Variants in DGKB observed in about 807,000 individuals in gnomAD.
The protein encoded by DGKB is 90 kDa diacylglycerol kinase.
In DGKB, 67 loss-of-function variants were observed where a neutral mutation model predicts 114.3. That is an observed-to-expected ratio of 0.59 (90% CI 0.48 to 0.72). The LOEUF (loss-of-function observed/expected upper bound fraction) is 0.72. DGKB is among the 30% of genes least tolerant of loss of function. The pLI is 0.00. For missense variants in DGKB, 907 were observed against 975.2 expected (o/e 0.93, Z 0.93); for synonymous variants, 398 against 323.1 (o/e 1.23, Z -2.49).
chr7:14,859,125 G>A (rs1182452112), intron 1 of DGKB, among the ~76,000 whole-genome samples: 1 of 152,062 alleles, frequency 6.6e-6, no homozygotes, highest in Non-Finnish European at 1.5e-5. Context: ...CAGGAGAGAA[G>A]GCAAATTCCA....
intron 1 of DGKB, among the ~76,000 whole-genome samples, chr7:14,873,669 G>C (rs1473411545): frequency 1.3e-5 from 2 of 151,744 alleles, no homozygotes; most frequent in African/African-American, 4.8e-5. Context: ...ACATACATAT[G>C]TATGCACATT....
intron 2 of DGKB, among the ~76,000 whole-genome samples, chr7:14,840,737 CA>C (rs750853931): frequency 1.3e-3 from 179 of 136,310 alleles, no homozygotes; most frequent in Admixed American, 3.8e-3. Context: ...CACACACACA[CA>C]CACACACCTC....
chr7:14,336,265 T>C (rs944049443), intron 23 of DGKB, among the ~76,000 whole-genome samples: 1 of 152,128 alleles, frequency 6.6e-6, no homozygotes, highest in East Asian at 1.9e-4. Flanking sequence ...AAAACAATAG[T>C]GAAATCATCA....
chr7:14,726,234 G>A (rs1047707103), intron 5 of DGKB, among the ~76,000 whole-genome samples: 24 of 152,056 alleles, frequency 1.6e-4, no homozygotes, highest in Non-Finnish European at 4.4e-5. Flanking sequence ...CTGCCTCCCA[G>A]GTTCAAGCGA....
At chr7:14,518,238 A>C (rs570167009) in intron 20 of DGKB, among the ~76,000 whole-genome samples, 9 of 152,278 alleles carry the variant, frequency 5.9e-5, no homozygotes, top group African/African-American at 1.7e-4. Context: ...GCTTGTTTTC[A>C]CTTATAAGTG....
chr7:14,491,654 A>G (rs561854564), intron 20 of DGKB, among the ~76,000 whole-genome samples: 5 of 152,240 alleles, frequency 3.3e-5, no homozygotes, highest in Admixed American at 2.6e-4. Flanking sequence ...GCTTGTGTCC[A>G]TAATTCTATT....
intron 20 of DGKB, among the ~76,000 whole-genome samples, chr7:14,501,087 A>G (rs1786095714): frequency 6.6e-6 from 1 of 151,910 alleles, no homozygotes; most frequent in Non-Finnish European, 1.5e-5. Context: ...CAGAAAAAAT[A>G]TTCTCAAGAT....
At chr7:14,969,945 T>A (rs987699943) in intron 1 of DGKB, among the ~76,000 whole-genome samples, 4 of 152,162 alleles carry the variant, frequency 2.6e-5, no homozygotes, top group Admixed American at 2.6e-4. Context: ...TCTAAGACAT[T>A]GCTAGACTAT....
At chr7:14,442,711 A>G (rs1204777805) in intron 21 of DGKB, among the ~76,000 whole-genome samples, 2 of 152,086 alleles carry the variant, frequency 1.3e-5, no homozygotes, top group Non-Finnish European at 2.9e-5. Context: ...CTAATGTCCA[A>G]TATGATTCTT....
At chr7:14,871,557 G>T (rs190711789) in intron 1 of DGKB, among the ~76,000 whole-genome samples, 1 of 152,254 alleles carries the variant, frequency 6.6e-6, no homozygotes, top group Admixed American at 6.5e-5. Context: ...CTGGTATGGG[G>T]ATGCTAATAC....
chr7:14,178,213 C>T (rs1469612504), intron 23 of DGKB, 62 bp from the exon 24 acceptor site: 1 of 1,546,024 alleles, frequency 6.5e-7, no homozygotes, highest in Non-Finnish European at 8.8e-7. Context: ...AATTTAATGC[C>T]ATTTGATATT....
chr7:14,658,546 G>T (rs565997429), intron 13 of DGKB, among the ~76,000 whole-genome samples: 1 of 151,778 alleles, frequency 6.6e-6, no homozygotes, highest in Non-Finnish European at 1.5e-5. Flanking sequence ...CACATTGTAT[G>T]TTTCAAAATA....
At chr7:14,517,438 A>AG (rs999588055) in intron 20 of DGKB, among the ~76,000 whole-genome samples, 3 of 151,978 alleles carry the variant, frequency 2.0e-5, no homozygotes, top group African/African-American at 7.2e-5. Flanking sequence ...AATTGCAAAA[A>AG]GAAAAAAAAA....
chr7:14,892,188 G>A (rs1031685251), intron 1 of DGKB, among the ~76,000 whole-genome samples: 1 of 151,320 alleles, frequency 6.6e-6, no homozygotes, highest in African/African-American at 2.4e-5. Flanking sequence ...ATCACTTAGT[G>A]TATCTCATGA....
At chr7:14,670,739 A>G (rs1304870062) in intron 13 of DGKB, among the ~76,000 whole-genome samples, 1 of 152,114 alleles carries the variant, frequency 6.6e-6, no homozygotes, top group East Asian at 1.9e-4. Flanking sequence ...TCAGGGATCA[A>G]CATTCTACTC....
At chr7:14,228,051 T>C (rs1791098329) in intron 23 of DGKB, among the ~76,000 whole-genome samples, 1 of 152,070 alleles carries the variant, frequency 6.6e-6, no homozygotes, top group Non-Finnish European at 1.5e-5. Flanking sequence ...TCTTATCCTA[T>C]AGGCTCAGAG....
chr7:14,726,616 C>T (rs942974128), intron 5 of DGKB, among the ~76,000 whole-genome samples: 2 of 152,248 alleles, frequency 1.3e-5, no homozygotes, highest in Middle Eastern at 3.4e-3. Flanking sequence ...GAAACCATAG[C>T]CAGAGCTAAG....
intron 21 of DGKB, among the ~76,000 whole-genome samples, chr7:14,465,617 G>C (rs1413808104): frequency 6.6e-6 from 1 of 152,160 alleles, no homozygotes; most frequent in Non-Finnish European, 1.5e-5. Context: ...GATGCCATTA[G>C]TATCAATCCT....
chr7:14,723,602 CAT>C lies in DGKB; in HGVS notation c.323-4919_323-4918del, dbSNP rs1204413143. On this transcript the variant is annotated intron_variant, in intron 5 of 25. Transcript: ENST00000402815. ...GTGTGTGTATATACACATACACACA[CAT>C]ATATATGTGTATGTATATACTACAA... Among the ~76,000 whole-genome samples the C allele has an allele frequency of 3.4e-5, 5 of 147,844 alleles. No homozygotes were observed. The South Asian group carries it at 8.4e-4, about 25-fold the overall frequency.
Sources: allele counts gnomAD v4.1 joint callset (sites outside exome capture counted in the v4.1 genomes callset), GRCh38; gene constraint gnomAD v4.1.1; transcripts MANE v1.5; gene names NCBI Gene and HGNC (gene_info 2026-07-23, HGNC 2026-07-21).